Variants in ESR1 observed in about 807,000 individuals in gnomAD.
The protein encoded by ESR1 is estrogen receptor.
A neutral mutation model predicts 52.7 loss-of-function variants in ESR1; 12 were observed. The observed-to-expected ratio is 0.23, with a 90% CI of 0.15 to 0.37. The LOEUF is 0.37. ESR1 is among the 10% of genes least tolerant of loss of function. The probability of loss-of-function intolerance (pLI) is 1.00; values close to 1 mark genes in which losing one functional copy is unlikely to be tolerated. For missense variants in ESR1, 584 were observed against 779.7 expected, an observed-to-expected ratio of 0.75 and a Z score of 2.99; for synonymous variants, 305 against 316.8, an observed-to-expected ratio of 0.96 and a Z score of 0.39.
intron 1 of ESR1, among the ~76,000 whole-genome samples, chr6:151,700,914 T>TA (rs894130054): frequency 2.0e-5 from 3 of 152,046 alleles, no homozygotes; most frequent in Admixed American, 6.6e-5. Context: ...TGACCCACAG[T>TA]AAAAAAGTGC....
At chr6:152,090,861 ACT>A (rs1165620758) in intron 6 of ESR1, among the ~76,000 whole-genome samples, 2 of 151,902 alleles carry the variant, frequency 1.3e-5, no homozygotes, top group Non-Finnish European at 2.9e-5. Context: ...GTTTCCCCAG[ACT>A]CTTCCTAAAT....
intron 3 of ESR1, among the ~76,000 whole-genome samples, chr6:151,924,197 C>G (rs968648506): frequency 1.3e-5 from 2 of 152,118 alleles, no homozygotes; most frequent in African/African-American, 4.8e-5. Context: ...CGCCTGCCAC[C>G]ATACCCGGCT....
intron 5 of ESR1, among the ~76,000 whole-genome samples, chr6:152,020,983 A>C (rs1257906265): frequency 1.3e-5 from 2 of 152,100 alleles, no homozygotes; most frequent in South Asian, 4.1e-4. Flanking sequence ...GCTTTTAGAG[A>C]TCTTCATTAA....
At chr6:152,120,822 T>C (rs117068889) in intron 6 of ESR1, among the ~76,000 whole-genome samples, 231 of 152,226 alleles carry the variant, frequency 1.5e-3, no homozygotes, top group Middle Eastern at 3.4e-3. Flanking sequence ...ACTACCTGCA[T>C]TATGGAAAGC....
At chr6:151,658,269 A>T (rs1039755259) in intron 1 of ESR1, among the ~76,000 whole-genome samples, 2 of 152,244 alleles carry the variant, frequency 1.3e-5, no homozygotes, top group African/African-American at 4.8e-5. Context: ...GTTTCAGGTT[A>T]GTTTGACCTT....
At chr6:152,079,171 C>T (rs1044691965) in intron 6 of ESR1, among the ~76,000 whole-genome samples, 1 of 152,120 alleles carries the variant, frequency 6.6e-6, no homozygotes, top group Non-Finnish European at 1.5e-5. Flanking sequence ...AACCAAGAGA[C>T]CGCCACCTCA....
chr6:151,892,602 T>TTC (rs1370732392), intron 3 of ESR1, among the ~76,000 whole-genome samples: 3 of 151,660 alleles, frequency 2.0e-5, no homozygotes, highest in African/African-American at 7.3e-5. Context: ...TTTTTTTTTT[T>TTC]TTTTTCTGTT....
intron 1 of ESR1, among the ~76,000 whole-genome samples, chr6:151,841,151 T>C (rs927959190): frequency 6.6e-6 from 1 of 152,204 alleles, no homozygotes; most frequent in Non-Finnish European, 1.5e-5. Flanking sequence ...ATCTTCCTCT[T>C]TGTGCTTTCA....
chr6:151,997,796 G>C (rs1260549116), intron 4 of ESR1, among the ~76,000 whole-genome samples: 1 of 152,066 alleles, frequency 6.6e-6, no homozygotes, highest in Non-Finnish European at 1.5e-5. Context: ...TGGAGTGGCA[G>C]AAGAGAAAAA....
rs758798083 is a variant in ESR1, at chr6:152,098,733, A to G, written c.1555A>G (p.Asn519Asp). Reference protein sequence around the residue: ...LILSHIRHMSNKGMEHLYSMK... With the variant: ...LILSHIRHMSDKGMEHLYSMK... ...CTTTCTGTGTCTTCCCACCTACAGT[A>G]ACAAAGGCATGGAGCATCTGTACAG... is the stretch of plus-strand genomic sequence containing the variant. Residue 519 changes from asparagine (N) to aspartate (D), a missense_variant and splice_region_variant, in exon 8 of 8, where the codon AAC becomes GAC. Asn to Asp is a conservative substitution (Grantham distance 23, BLOSUM62 1). Coordinates refer to ENST00000206249, the MANE Select transcript of ESR1 (RefSeq NM_000125.4). The surrounding 1 kb of genome is among the most constrained non-coding windows in gnomAD (Gnocchi z 5.1). 2 of 1,613,496 alleles carry G rather than the reference A, an allele frequency of 1.2e-6. No homozygotes were observed. The highest frequency in any genetic ancestry group is 2.7e-5 in the African/African-American group (2 of 74,890).
chr6:151,826,259 G>T (rs80043636), intron 1 of ESR1, among the ~76,000 whole-genome samples: 7,243 of 152,212 alleles, frequency 0.048, 582 homozygotes, highest in African/African-American at 0.16. Context: ...ATATATAGTT[G>T]ATTTTCTTCT....
intron 2 of ESR1, among the ~76,000 whole-genome samples, chr6:151,880,187 T>TG (rs1292108480): frequency 7.5e-6 from 1 of 132,638 alleles, no homozygotes; most frequent in African/African-American, 2.6e-5. Context: ...TTCTGTTTTT[T>TG]TTTTTTTTTT....
At chr6:151,736,375 G>GGTTTTTTTTTTT (rs1554247186) in intron 2 of ESR1, among the ~76,000 whole-genome samples, 1 of 112,742 alleles carries the variant, frequency 8.9e-6, no homozygotes, top group African/African-American at 3.8e-5. Flanking sequence ...TCCAGGTAGT[G>GGTTTTTTTTTTT]TTTTTTTTTT....
chr6:151,697,751 G>C (rs1177785461), intron 1 of ESR1, among the ~76,000 whole-genome samples: 2 of 152,092 alleles, frequency 1.3e-5, no homozygotes, highest in Non-Finnish European at 2.9e-5. Context: ...GGTCCCTGCA[G>C]CTGTAGTATT....
At chr6:152,025,823 A>G (rs940449998) in intron 5 of ESR1, among the ~76,000 whole-genome samples, 1 of 151,802 alleles carries the variant, frequency 6.6e-6, no homozygotes, top group Non-Finnish European at 1.5e-5. Flanking sequence ...TACTTAATTT[A>G]TTTTCATTTC....
At chr6:152,128,279 T>C (rs1449458976) in exon 7 of ESR1, 1 of 152,228 alleles carries the variant, frequency 6.6e-6, no homozygotes, top group Non-Finnish European at 1.5e-5. Context: ...ATATGGTTAT[T>C]ATGAATGTAT....
intron 1 of ESR1, among the ~76,000 whole-genome samples, chr6:151,830,728 T>A (rs7761133): frequency 6.6e-6 from 1 of 151,978 alleles, no homozygotes; most frequent in African/African-American, 2.4e-5. Flanking sequence ...CTTTTTCCAG[T>A]CTATTCTTGT....
intron 3 of ESR1, among the ~76,000 whole-genome samples, chr6:151,901,390 T>A (rs1379551472): frequency 6.6e-6 from 1 of 152,176 alleles, no homozygotes; most frequent in Non-Finnish European, 1.5e-5. Context: ...TAAGTAGGGC[T>A]TTCATGCCTC....
Position 151,984,962 on chromosome 6 carries a change from A to C in ESR1, c.1097-26694A>C, listed in dbSNP as rs186415392. Among the ~76,000 whole-genome samples the C allele has an allele frequency of 6.9e-4, 105 of 152,254 alleles. 2 individuals are homozygous for C. The highest frequency in any genetic ancestry group is 2.4e-3 in the African/African-American group (101 of 41,508). On this transcript the variant is annotated intron_variant, in intron 4 of 7. Transcript: ENST00000206249. The stretch of plus-strand genomic sequence containing the variant: ...TTAATTTTGCACAACTAATTTAATC[A>C]CATTCATCCTTAATTTCATCATCAT...
Sources: gnomAD v4.1 joint callset for allele counts (sites outside exome capture counted in the v4.1 genomes callset) on GRCh38, gnomAD v4.1.1 for gene constraint, Gnocchi (gnomAD v3.1) non-coding constraint, MANE v1.5 for transcripts, NCBI Gene and HGNC (gene_info 2026-07-23, HGNC 2026-07-21) for gene names.